TNKS: variants seen among roughly 807,000 people sequenced by gnomAD.
The protein encoded by TNKS is poly [ADP-ribose] polymerase tankyrase-1.
In TNKS, 72 loss-of-function variants were observed where a neutral mutation model predicts 135.8. The observed-to-expected ratio is 0.53, with a 90% CI of 0.44 to 0.64. The LOEUF (loss-of-function observed/expected upper bound fraction) is 0.64, where lower values mean the gene tolerates loss of function less well. Ranked by LOEUF, TNKS falls within the 30% of genes least tolerant of loss-of-function variation. The pLI, the probability that TNKS is intolerant of heterozygous loss-of-function variation, is 0.00. For synonymous variants in TNKS, 849 were observed against 649.3 expected (o/e 1.31, Z -4.68); for missense variants, 1,769 against 1,674.0 (o/e 1.06, Z -0.99).
At chr8:9,769,818 T>G (rs1428196718) in intron 25 of TNKS, among the ~76,000 whole-genome samples, 1 of 151,888 alleles carries the variant, frequency 6.6e-6, no homozygotes, top group Non-Finnish European at 1.5e-5. Context: ...ACGAGGTTTT[T>G]ACCGTGTTAG....
chr8:9,732,524 A>G (rs761396713), intron 14 of TNKS, among the ~76,000 whole-genome samples: 1 of 152,020 alleles, frequency 6.6e-6, no homozygotes, highest in Non-Finnish European at 1.5e-5. Flanking sequence ...TTGGAGAGCA[A>G]TCAGCATTTG....
chr8:9,664,313 G>A (rs144886121), intron 3 of TNKS, among the ~76,000 whole-genome samples: 2 of 152,204 alleles, frequency 1.3e-5, no homozygotes, highest in East Asian at 3.9e-4. Flanking sequence ...GGAGGTGCCA[G>A]GCTGTTTTTC....
chr8:9,679,721 A>C (rs1176575570), intron 3 of TNKS: 2 of 484,436 alleles, frequency 4.1e-6, no homozygotes, highest in East Asian at 3.2e-5. Flanking sequence ...GTCTGAAGAA[A>C]GCTATTTCAT....
At chr8:9,649,337 T>G (rs191360612) in intron 3 of TNKS, among the ~76,000 whole-genome samples, 3 of 152,306 alleles carry the variant, frequency 2.0e-5, no homozygotes, top group Admixed American at 2.0e-4. Context: ...GGACAAATTA[T>G]ACATGGCGAA....
chr8:9,691,414 A>G (rs1803262070), intron 5 of TNKS, among the ~76,000 whole-genome samples: 1 of 152,196 alleles, frequency 6.6e-6, no homozygotes, highest in Admixed American at 6.5e-5. Context: ...TCAGAATGCT[A>G]AAGTTGTCAG....
chr8:9,687,652 C>T (rs556370191), intron 5 of TNKS, among the ~76,000 whole-genome samples: 7 of 152,248 alleles, frequency 4.6e-5, no homozygotes, highest in Non-Finnish European at 8.8e-5. Flanking sequence ...TAAAAAGCAG[C>T]AAGATGATAA....
chr8:9,684,517 C>G (rs1349384226), intron 5 of TNKS, among the ~76,000 whole-genome samples: 1 of 151,992 alleles, frequency 6.6e-6, no homozygotes, highest in Non-Finnish European at 1.5e-5. Flanking sequence ...CCAAAATTAT[C>G]CATTCCTCAT....
At chr8:9,771,504 A>G (rs911216175) in intron 26 of TNKS, among the ~76,000 whole-genome samples, 8 of 140,394 alleles carry the variant, frequency 5.7e-5, no homozygotes, top group African/African-American at 2.1e-4. Flanking sequence ...AAAGGGAAGG[A>G]AAGAACGGGA....
chr8:9,713,447 G>C (rs1804583236), intron 11 of TNKS, among the ~76,000 whole-genome samples: 1 of 152,108 alleles, frequency 6.6e-6, no homozygotes, highest in African/African-American at 2.4e-5. Context: ...ATTATGACTT[G>C]TTCTAGTCAG....
chr8:9,657,539 G>A (rs1435910479), intron 3 of TNKS, among the ~76,000 whole-genome samples: 3 of 73,662 alleles, frequency 4.1e-5, no homozygotes, highest in African/African-American at 1.6e-4. Flanking sequence ...TCACTTCCCA[G>A]TAGGGGCGGC....
intron 1 of TNKS, among the ~76,000 whole-genome samples, chr8:9,565,478 A>G (rs994055865): frequency 1.3e-5 from 2 of 152,208 alleles, no homozygotes; most frequent in African/African-American, 4.8e-5. Context: ...TCCATGAACT[A>G]CAAGTCCAAA....
intron 5 of TNKS, among the ~76,000 whole-genome samples, chr8:9,693,941 A>C (rs1234272912): frequency 6.6e-6 from 1 of 152,206 alleles, no homozygotes; most frequent in African/African-American, 2.4e-5. Context: ...TCCTAGGATC[A>C]GGAAAGTACT....
At chr8:9,637,390 G>A (rs1800553167) in intron 3 of TNKS, among the ~76,000 whole-genome samples, 2 of 152,050 alleles carry the variant, frequency 1.3e-5, no homozygotes, top group Admixed American at 6.6e-5. Context: ...TATAATTCTA[G>A]TTATATATAT....
intron 3 of TNKS, among the ~76,000 whole-genome samples, chr8:9,652,034 T>A (rs1801166207): frequency 6.6e-6 from 1 of 152,226 alleles, no homozygotes; most frequent in Non-Finnish European, 1.5e-5. Context: ...ATGTGAAGTT[T>A]AAAATTAATG....
At chr8:9,743,832 A>G (rs896474853) in intron 17 of TNKS, among the ~76,000 whole-genome samples, 1 of 152,152 alleles carries the variant, frequency 6.6e-6, no homozygotes. Context: ...GCTGCATGTC[A>G]CTCCTACATT....
At chr8:9,674,172 G>T (rs1019308841) in intron 3 of TNKS, among the ~76,000 whole-genome samples, 21 of 152,114 alleles carry the variant, frequency 1.4e-4, no homozygotes, top group Admixed American at 2.6e-4. Context: ...CCAATACTAA[G>T]AATCAAATAC....
chr8:9,619,170 T>C (rs892331123), intron 3 of TNKS, among the ~76,000 whole-genome samples: 1 of 152,224 alleles, frequency 6.6e-6, no homozygotes, highest in Non-Finnish European at 1.5e-5. Flanking sequence ...TTCTTGACTT[T>C]GAAGTAAGGA....
At chr8:9,732,047 C>G (rs1048971758) in intron 14 of TNKS, among the ~76,000 whole-genome samples, 24 of 152,312 alleles carry the variant, frequency 1.6e-4, no homozygotes, top group African/African-American at 5.3e-4. Flanking sequence ...CTCGGCCTCC[C>G]AAAGTGCTGG....
intron 1 of TNKS, among the ~76,000 whole-genome samples, chr8:9,559,867 G>C (rs1053345772): frequency 6.6e-5 from 10 of 152,104 alleles, no homozygotes; most frequent in African/African-American, 2.2e-4. Flanking sequence ...TTAGAATATG[G>C]TTTAGAGACT....
Sources: allele counts gnomAD v4.1 joint callset (sites outside exome capture counted in the v4.1 genomes callset), GRCh38; gene constraint gnomAD v4.1.1; transcripts MANE v1.5; gene names NCBI Gene and HGNC (gene_info 2026-07-23, HGNC 2026-07-21).